The following CCDC69 variants were observed in gnomAD, a reference collection of about 807,000 sequenced individuals.
The protein encoded by CCDC69 is coiled-coil domain containing 69.
In CCDC69, 38 loss-of-function variants were observed where a neutral mutation model predicts 40.3. The ratio of observed to expected loss-of-function variants is 0.94; its 90% CI spans 0.73 to 1.24. The LOEUF (loss-of-function observed/expected upper bound fraction) is 1.24. CCDC69 is among the 50% of genes most tolerant of loss of function. The probability of loss-of-function intolerance (pLI) is 0.00; values close to 1 mark genes in which losing one functional copy is unlikely to be tolerated. For synonymous variants in CCDC69, 141 were observed against 138.9 expected (o/e 1.02, Z -0.11); for missense variants, 389 against 357.9 (o/e 1.09, Z -0.70).
intron 1 of CCDC69, among the ~76,000 whole-genome samples, chr5:151,213,547 C>T (rs1355018663): frequency 1.3e-5 from 2 of 152,156 alleles, no homozygotes; most frequent in Non-Finnish European, 2.9e-5. Context: ...CCACCATGCC[C>T]GGCCAACTAC....
chr5:151,221,525 C>T (rs571105973), intron 1 of CCDC69, among the ~76,000 whole-genome samples: 2 of 152,340 alleles, frequency 1.3e-5, no homozygotes, highest in South Asian at 2.1e-4. Flanking sequence ...TCTACTTAAG[C>T]ACCTGCTCCA....
chr5:151,208,875 C>T (rs1427484209), intron 1 of CCDC69, among the ~76,000 whole-genome samples: 1 of 152,188 alleles, frequency 6.6e-6, no homozygotes, highest in Non-Finnish European at 1.5e-5. Context: ...GGGATGAGGA[C>T]GTCTGGTGGT....
Position 151,181,054 on chromosome 5 carries a change from A to T in CCDC69, c.*2383T>A, listed in dbSNP as rs1160703921. 6.6e-6 allele frequency: 1 copy of T among 152,130 alleles called. No homozygotes were observed. The highest frequency in any genetic ancestry group is 2.4e-5 in the African/African-American group (1 of 41,396). 9.4% of individuals were successfully genotyped at this position (152,130 alleles called of 1,614,324 possible). A position where few individuals can be genotyped will look rare whatever the true frequency, so the allele number is the denominator to read the frequency against. On this transcript the variant is annotated 3_prime_UTR_variant, in exon 9 of 9. Coordinates refer to ENST00000355417, the MANE Select transcript of CCDC69 (RefSeq NM_015621.3). ...GAAAAACACAAAAGTCACATAAATA[A>T]GGTGCCGCATGTTCTTTTTAGTTTC...
intron 2 of CCDC69, among the ~76,000 whole-genome samples, chr5:151,204,186 C>T (rs1752822904): frequency 6.6e-6 from 1 of 151,904 alleles, no homozygotes; most frequent in South Asian, 2.1e-4. Flanking sequence ...CACCGCCACT[C>T]CAGGCTAGTT....
At chr5:151,209,971 A>G (rs1378862983) in intron 1 of CCDC69, among the ~76,000 whole-genome samples, 1 of 152,232 alleles carries the variant, frequency 6.6e-6, no homozygotes, top group Non-Finnish European at 1.5e-5. Context: ...AAAATACATG[A>G]AAATATAGAA....
chr5:151,215,606 G>A (rs1364701394), intron 1 of CCDC69: 3 of 408,596 alleles, frequency 7.3e-6, no homozygotes, highest in African/African-American at 2.0e-5. Context: ...AGGCCTGGGT[G>A]AGAACCTGGA....
intron 7 of CCDC69, 176 bp downstream of exon 7, chr5:151,185,246 C>T (rs1200473481): frequency 1.6e-6 from 1 of 639,190 alleles, no homozygotes; most frequent in East Asian, 2.9e-5. Flanking sequence ...GGAGCCACTG[C>T]TTGACCCAGC....
chr5:151,202,427 A>G (rs187542741), intron 2 of CCDC69, among the ~76,000 whole-genome samples: 16 of 152,302 alleles, frequency 1.1e-4, no homozygotes, highest in African/African-American at 3.4e-4. Flanking sequence ...TTTACTTAAT[A>G]ATTCTGATTT....
intron 1 of CCDC69, chr5:151,215,551 AG>A: frequency 3.1e-6 from 1 of 318,904 alleles, no homozygotes; most frequent in Non-Finnish European, 6.9e-6. Flanking sequence ...CTGGTCATGG[AG>A]GGGGCTTCTC....
intron 2 of CCDC69, among the ~76,000 whole-genome samples, chr5:151,203,371 ATGGT>A (rs1341820330): frequency 6.6e-6 from 1 of 151,526 alleles, no homozygotes. Flanking sequence ...TTAGGTGGGC[ATGGT>A]GGCAGGCGCC....
At chr5:151,186,245 C>T (rs1046259182) in intron 5 of CCDC69, 121 bp from the exon 6 acceptor site, 4 of 718,474 alleles carry the variant, frequency 5.6e-6, no homozygotes, top group African/African-American at 3.4e-5. Flanking sequence ...GGCTACTCTA[C>T]ATGACAATGC....
At position 151,222,930 on chromosome 5, in the gene CCDC69, G is replaced by A. The variant is rs1476880643; in HGVS notation, c.48+993C>T. ...AGGGCACAAGCAAAGCAGGAGCAGAGGGAGGACTAAAGTTCATTGCAAAAC... is the reference window on the plus strand; with the variant it reads ...AGGGCACAAGCAAAGCAGGAGCAGAAGGAGGACTAAAGTTCATTGCAAAAC... On this transcript the variant is annotated intron_variant, in intron 1 of 8. Coordinates refer to ENST00000355417, the MANE Select transcript of CCDC69 (RefSeq NM_015621.3). 2.0e-5 allele frequency among the ~76,000 whole-genome samples: 3 copies of A among 152,186 alleles called. No homozygotes were observed. In the East Asian group the frequency reaches 5.8e-4, roughly 29 times the overall value.
intron 4 of CCDC69, among the ~76,000 whole-genome samples, chr5:151,197,318 A>C (rs1752713695): frequency 6.6e-6 from 1 of 152,200 alleles, no homozygotes; most frequent in South Asian, 2.1e-4. Context: ...ACTTGAGCCC[A>C]GGAGTTTGAG....
At chr5:151,187,789 G>A (rs6892445) in intron 4 of CCDC69, among the ~76,000 whole-genome samples, 55,386 of 152,068 alleles carry the variant, frequency 0.36, 10,720 homozygotes, top group East Asian at 0.49. Context: ...CTCGGGCCAC[G>A]GAAAATGCAT....
In CCDC69 at chr5:151,201,632, T is replaced by TTA. The variant is rs761317618; in HGVS notation, c.179_180dup (p.Thr61Ter). 9 of 1,613,704 alleles carry TTA rather than the reference T, an allele frequency of 5.6e-6. No individual in the cohort carries two copies. The South Asian group carries it at 9.9e-5, about 18-fold the overall frequency. ...TCCTCATGTTGCTGGAGAATTCTGGTTATATCCTTCTGGTGCCGCTCAGCC... is the reference window on the plus strand; with the variant it reads ...TCCTCATGTTGCTGGAGAATTCTGGTTATATATCCTTCTGGTGCCGCTCAGCC... On this transcript the variant is annotated frameshift_variant, in exon 3 of 9. Transcript: ENST00000355417. LOFTEE classifies it high-confidence loss of function.
chr5:151,202,356 G>A (rs2113994233), intron 2 of CCDC69, among the ~76,000 whole-genome samples: 2 of 152,268 alleles, frequency 1.3e-5, no homozygotes, highest in East Asian at 3.9e-4. Flanking sequence ...GCGAGATCCT[G>A]TCTCTAAAAT....
At position 151,184,489 on chromosome 5, in the gene CCDC69, C is replaced by T. The variant is rs370225416; in HGVS notation, c.616-48G>A. Reference sequence around the variant, plus strand: ...AGAAAGCTGCCAAACTCACGCTGCACGATGTGTGCTGTCACCTCCCTCTTA... The same window carrying T: ...AGAAAGCTGCCAAACTCACGCTGCATGATGTGTGCTGTCACCTCCCTCTTA... On this transcript the variant is annotated intron_variant, in intron 7 of 8. Coordinates refer to ENST00000355417, the MANE Select transcript of CCDC69 (RefSeq NM_015621.3). 6.4e-4 allele frequency: 780 copies of T among 1,226,338 alleles called. 3 individuals carry two copies. Among genetic ancestry groups the T allele is most frequent in the Non-Finnish European group, 8.4e-4 (698 of 829,234 alleles). 76.0% of individuals were successfully genotyped at this position (1,226,338 alleles called of 1,614,324 possible).
chr5:151,189,566 C>CA (rs552880093), intron 4 of CCDC69, among the ~76,000 whole-genome samples: 251 of 140,016 alleles, frequency 1.8e-3, no homozygotes, highest in African/African-American at 3.7e-3. Context: ...GGGTGCAGTG[C>CA]AAAAAAAAAA....
intron 1 of CCDC69, among the ~76,000 whole-genome samples, chr5:151,209,450 C>T (rs1561603819): frequency 6.6e-6 from 1 of 152,352 alleles, no homozygotes; most frequent in East Asian, 1.9e-4. Context: ...AGCTTTCAGA[C>T]CACAGGCAGC....
Sources: allele counts gnomAD v4.1 joint callset (sites outside exome capture counted in the v4.1 genomes callset), GRCh38; gene constraint gnomAD v4.1.1; transcripts MANE v1.5; gene names NCBI Gene and HGNC (gene_info 2026-07-23, HGNC 2026-07-21).